The following SRRD variants were observed in gnomAD, a reference collection of about 807,000 sequenced individuals.
SRRD encodes SRR1 domain containing.
SRRD carries 28 observed loss-of-function variants against 30.7 expected under a neutral mutation model. The observed-to-expected ratio is 0.91, with a 90% CI of 0.68 to 1.25. The LOEUF (loss-of-function observed/expected upper bound fraction) is 1.25, where lower values mean the gene tolerates loss of function less well. SRRD is among the 50% of genes most tolerant of loss of function. SRRD has a pLI of 0.00. For synonymous variants in SRRD, 161 were observed against 159.6 expected (o/e 1.01, Z -0.07); for missense variants, 415 against 417.3 (o/e 0.99, Z 0.05).
intron 1 of SRRD, 54 bp downstream of exon 1, chr22:26,484,153 CCA>C (rs2091635182): frequency 6.7e-7 from 1 of 1,482,116 alleles, no homozygotes; most frequent in East Asian, 2.6e-5. Context: ...CAATTCTGAG[CCA>C]CAGTCTCCCC....
intron 1 of SRRD, among the ~76,000 whole-genome samples, chr22:26,484,317 ACAATTTATAATC>A (rs939619295): frequency 2.6e-5 from 4 of 152,174 alleles, no homozygotes; most frequent in African/African-American, 9.7e-5. Flanking sequence ...GTGACCTTGG[ACAATTTATAATC>A]TCTGTGCCTC....
At position 26,494,438 on chromosome 22, in the gene SRRD, A is replaced by AT. The variant is rs1164928033; in HGVS notation, c.*2766_*2767insT. On this transcript the variant is annotated 3_prime_UTR_variant, in exon 7 of 7. Coordinates refer to ENST00000215917, the MANE Select transcript of SRRD (RefSeq NM_001013694.3). ...TACTTTACAGGGATTTATAGTAGCT[A>AT]AACAGTCTAGCACTTATGAATATGG... 8.3e-6 allele frequency: 9 copies of AT among 1,082,760 alleles called. No individual in the cohort carries two copies. Among genetic ancestry groups the AT allele is most frequent in the African/African-American group, 3.1e-5 (2 of 64,284 alleles). 67.1% of individuals were successfully genotyped at this position (1,082,760 alleles called of 1,614,324 possible).
chr22:26,491,235 A>G (rs925754841), intron 6 of SRRD, 165 bp downstream of exon 6: 3 of 775,858 alleles, frequency 3.9e-6, no homozygotes, highest in Non-Finnish European at 6.3e-6. Context: ...TCTTTAATGC[A>G]TCTCTTAGTT....
rs1235464617 is a variant in SRRD, at chr22:26,493,155, G to A, written c.*1483G>A. 6.6e-6 allele frequency: 1 copy of A among 151,952 alleles called. No individual in the cohort carries two copies. The highest frequency in any genetic ancestry group is 2.4e-5 in the African/African-American group (1 of 41,338). 9.4% of individuals were successfully genotyped at this position (151,952 alleles called of 1,614,324 possible). A position where few individuals can be genotyped will look rare whatever the true frequency, so the allele number is the denominator to read the frequency against. On this transcript the variant is annotated 3_prime_UTR_variant, in exon 7 of 7. Transcript: ENST00000215917. ...CGATTCTTCTGCCTCAGCCTCCTAA[G>A]TAGCTGGCATTACAGGCATGTGCCA... is the stretch of plus-strand genomic sequence containing the variant.
intron 2 of SRRD, among the ~76,000 whole-genome samples, chr22:26,487,748 A>G (rs1005068659): frequency 1.3e-5 from 2 of 152,226 alleles, no homozygotes; most frequent in African/African-American, 4.8e-5. Context: ...AGAGTTTTAG[A>G]TGGAAACTGC....
chr22:26,483,904 C>T lies in SRRD; in HGVS notation c.14C>T (p.Ala5Val). 2 of 1,348,290 alleles carry T rather than the reference C, an allele frequency of 1.5e-6. No homozygotes were observed. The highest frequency in any genetic ancestry group is 3.1e-5 in the East Asian group (1 of 32,244). 83.5% of individuals were successfully genotyped at this position (1,348,290 alleles called of 1,614,324 possible). The change falls in exon 1 of 7, where the codon GCA becomes GTA. Residue 5 changes from alanine (A) to valine (V), a missense_variant. Transcript: ENST00000215917. Reference protein sequence around the residue: MAAAAAAALESWQAA... With the variant: MAAAVAAALESWQAA... ...CGTCAGAGACCAATGGCTGCGGCCG[C>T]AGCTGCGGCGCTGGAATCCTGGCAG... is the stretch of plus-strand genomic sequence containing the variant.
In SRRD at chr22:26,483,912, G is replaced by A; in HGVS notation, c.22G>A (p.Ala8Thr). Residue 8 changes from alanine (A) to threonine (T), a missense_variant, in exon 1 of 7, where the codon GCG (alanine) becomes ACG (threonine). Coordinates refer to ENST00000215917, the MANE Select transcript of SRRD (RefSeq NM_001013694.3). MAAAAAA[A>T]LESWQAAAPR... ...ACCAATGGCTGCGGCCGCAGCTGCGGCGCTGGAATCCTGGCAGGCGGCGGC... is the reference window on the plus strand; with the variant it reads ...ACCAATGGCTGCGGCCGCAGCTGCGACGCTGGAATCCTGGCAGGCGGCGGC... The A allele has an allele frequency of 7.4e-7, 1 of 1,350,230 alleles. No homozygotes were observed. Among genetic ancestry groups the A allele is most frequent in the Non-Finnish European group, 9.4e-7 (1 of 1,061,416 alleles). The allele number at this position is 1,350,230 out of a possible 1,614,324, so 83.6% of individuals were successfully genotyped here. A position where few individuals can be genotyped will look rare whatever the true frequency, so the allele number is the denominator to read the frequency against.
At chr22:26,486,190 T>G in intron 2 of SRRD, 127 bp downstream of exon 2, 6 of 1,001,954 alleles carry the variant, frequency 6.0e-6, no homozygotes, top group Non-Finnish European at 7.6e-6. Context: ...CTTACAGCTG[T>G]ATGTCTTTTG....
rs780188579 is a variant in SRRD at position 26,492,059 on chromosome 22, G to A, written c.*387G>A. 1 of 1,609,526 alleles carries A rather than the reference G, an allele frequency of 6.2e-7. No homozygotes were observed. The highest frequency in any genetic ancestry group is 8.5e-7 in the Non-Finnish European group (1 of 1,177,970). On this transcript the variant is annotated 3_prime_UTR_variant, in exon 7 of 7. Coordinates refer to ENST00000215917, the MANE Select transcript of SRRD (RefSeq NM_001013694.3). ...GCTCTGCAGTGAGGTGGGCACCCAC[G>A]TCTTCTCGCCCTGGACAAAGACCAC...
chr22:26,487,817 G>A (rs754814428), intron 2 of SRRD, among the ~76,000 whole-genome samples: 1 of 152,188 alleles, frequency 6.6e-6, no homozygotes, highest in Non-Finnish European at 1.5e-5. Context: ...GAGTCCAGGG[G>A]CCGGGACAGT....
At chr22:26,489,873 A>G (rs1920986141) in intron 4 of SRRD, among the ~76,000 whole-genome samples, 171 bp from the exon 5 acceptor site, 7 of 152,158 alleles carry the variant, frequency 4.6e-5, no homozygotes, top group Admixed American at 4.6e-4. Context: ...CTGACTCTTT[A>G]GTCCTGTAAC....
Position 26,483,956 on chromosome 22 carries a change from C to T in SRRD, c.66C>T (p.Ser22=), listed in dbSNP as rs1243345608. The change falls in exon 1 of 7, where the codon TCC becomes TCT. Residue 22 remains serine, a synonymous_variant. Transcript: ENST00000215917. Reference sequence around the variant, plus strand: ...CGGCGGCTCCGCGGAAGAGGCGCTCCGCGGCTCGACGGCCGCGGCGGAGGG... The same window carrying T: ...CGGCGGCTCCGCGGAAGAGGCGCTCTGCGGCTCGACGGCCGCGGCGGAGGG... ...WQAAAPRKRR[S]AARRPRRREA... 6.6e-6 allele frequency: 9 copies of T among 1,366,126 alleles called. No individual in the cohort carries two copies. The highest frequency in any genetic ancestry group is 6.2e-5 in the African/African-American group (4 of 64,690). 84.6% of individuals were successfully genotyped at this position (1,366,126 alleles called of 1,614,324 possible). A position where few individuals can be genotyped will look rare whatever the true frequency, so the allele number is the denominator to read the frequency against.
chr22:26,487,174 G>A (rs2091714958), intron 2 of SRRD, among the ~76,000 whole-genome samples: 1 of 152,032 alleles, frequency 6.6e-6, no homozygotes, highest in African/African-American at 2.4e-5. Context: ...GCCCACCTCG[G>A]TCTCCCAAGG....
rs1469620918 is a variant in SRRD, at chr22:26,484,087, T to C, written c.197T>C (p.Ile66Thr). The part of the protein sequence containing the change: ...ESDSGVVLRR[I>T]WEAEKDLFIS... ...GACAGCGGAGTCGTGCTTCGTCGCA[T>C]CTGGGAGGCTGAGTGAGTGCAGGCT... is the stretch of plus-strand genomic sequence containing the variant. Residue 66 changes from isoleucine to threonine, a missense_variant, in exon 1 of 7, where the codon ATC becomes ACC. By Grantham distance (89) the Ile-to-Thr change is moderately conservative. Coordinates refer to ENST00000215917, the MANE Select transcript of SRRD (RefSeq NM_001013694.3). 3.3e-6 allele frequency: 5 copies of C among 1,503,578 alleles called. No individual in the cohort carries two copies. Among genetic ancestry groups the C allele is most frequent in the Non-Finnish European group, 4.4e-6 (5 of 1,131,752 alleles). The allele number at this position is 1,503,578 out of a possible 1,614,324, so 93.1% of individuals were successfully genotyped here. A position where few individuals can be genotyped will look rare whatever the true frequency, so the allele number is the denominator to read the frequency against.
At chr22:26,491,318 T>C in intron 6 of SRRD, 145 bp from the exon 7 acceptor site, 1 of 765,916 alleles carries the variant, frequency 1.3e-6, no homozygotes, top group South Asian at 1.8e-5. Flanking sequence ...CAATTCATTG[T>C]GCAAAAGCAT....
At position 26,492,273 on chromosome 22, in the gene SRRD, G is replaced by A. The variant is rs777944340; in HGVS notation, c.*601G>A. The A allele has an allele frequency of 9.3e-6, 15 of 1,614,054 alleles. No homozygotes were observed. Among genetic ancestry groups the A allele is most frequent in the African/African-American group, 1.3e-5 (1 of 74,904 alleles). ...CTCTGAGCCATGTTCTCAGCCTCCC[G>A]CCTCTCCTGCATGGCCTCGTACTGG... On this transcript the variant is annotated 3_prime_UTR_variant, in exon 7 of 7. Transcript: ENST00000215917.
intron 2 of SRRD, among the ~76,000 whole-genome samples, chr22:26,487,660 C>A (rs983805921): frequency 6.6e-6 from 1 of 152,214 alleles, no homozygotes. Flanking sequence ...TGGTTTGTTA[C>A]AACTTTAAAA....
rs1921603887 is a variant in SRRD at position 26,494,101 on chromosome 22, T to G, written c.*2429T>G. On this transcript the variant is annotated 3_prime_UTR_variant, in exon 7 of 7. Coordinates refer to ENST00000215917, the MANE Select transcript of SRRD (RefSeq NM_001013694.3). ...CATTTACATGTGTAAAATCTGAAAC[T>G]TGGGGCCAGGACATCCAAAATGGGA... 6.2e-7 allele frequency: 1 copy of G among 1,607,464 alleles called. No homozygotes were observed. The highest frequency in any genetic ancestry group is 1.1e-5 in the South Asian group (1 of 90,482).
At chr22:26,487,032 C>T (rs1602180916) in intron 2 of SRRD, among the ~76,000 whole-genome samples, 1 of 151,758 alleles carries the variant, frequency 6.6e-6, no homozygotes. Flanking sequence ...AACAATCCTC[C>T]TGCCTCAGTC....
Sources: gnomAD v4.1 joint callset for allele counts (sites outside exome capture counted in the v4.1 genomes callset) on GRCh38, gnomAD v4.1.1 for gene constraint, MANE v1.5 for transcripts, NCBI Gene and HGNC (gene_info 2026-07-23, HGNC 2026-07-21) for gene names.